The following SLCO2B1 variants were observed in gnomAD, a reference collection of about 807,000 sequenced individuals.
The protein encoded by SLCO2B1 is OATP-RP2.
Under a neutral mutation model 67.3 loss-of-function variants are expected in SLCO2B1, and 41 were observed. The observed-to-expected ratio is 0.61, with a 90% CI of 0.47 to 0.79. SLCO2B1 has a LOEUF of 0.79. Among genes scored for constraint, SLCO2B1 ranks in the 30% least tolerant of loss-of-function variants. The probability of loss-of-function intolerance (pLI) is 0.00; values close to 1 mark genes in which losing one functional copy is unlikely to be tolerated. For missense variants in SLCO2B1, 837 were observed against 920.1 expected (o/e 0.91, Z 1.17); for synonymous variants, 379 against 381.4 (o/e 0.99, Z 0.07).
chr11:75,196,109 G>C (rs1024003088), intron 9 of SLCO2B1: 3 of 170,598 alleles, frequency 1.8e-5, no homozygotes, highest in African/African-American at 7.2e-5. Context: ...CGGGTGGTCA[G>C]GTCTCCTGAT....
chr11:75,202,048 A>C (rs115300882), intron 11 of SLCO2B1: 135 of 152,350 alleles, frequency 8.9e-4, no homozygotes, highest in African/African-American at 3.1e-3. Context: ...GAACATTCCA[A>C]GAATTTTAGG....
At chr11:75,169,795 C>T in intron 6 of SLCO2B1, 31 bp downstream of exon 6, 6 of 1,551,522 alleles carry the variant, frequency 3.9e-6, no homozygotes, top group East Asian at 4.5e-5. Context: ...TTTGCTAGAC[C>T]CTAGCTAACT....
intron 7 of SLCO2B1, among the ~76,000 whole-genome samples, chr11:75,179,266 C>G (rs1044884887): frequency 4.6e-5 from 5 of 109,534 alleles, no homozygotes; most frequent in Non-Finnish European, 5.0e-5. Context: ...CTCTCTCTCT[C>G]TGTTGCCCAG....
chr11:75,178,590 C>G (rs1158337067), intron 7 of SLCO2B1, among the ~76,000 whole-genome samples: 7 of 152,090 alleles, frequency 4.6e-5, no homozygotes, highest in Non-Finnish European at 1.0e-4. Context: ...GTGGATAAAT[C>G]AAGCTGTTTA....
chr11:75,171,085 A>ATAACAAG (rs1406762206), intron 6 of SLCO2B1, among the ~76,000 whole-genome samples: 1 of 152,134 alleles, frequency 6.6e-6, no homozygotes, highest in Non-Finnish European at 1.5e-5. Context: ...GGCAGGGGAG[A>ATAACAAG]TAACAAGTAA....
At chr11:75,164,737 T>A (rs1949866481) in intron 3 of SLCO2B1, among the ~76,000 whole-genome samples, 1 of 152,162 alleles carries the variant, frequency 6.6e-6, no homozygotes, top group Non-Finnish European at 1.5e-5. Flanking sequence ...TTCTCCCCCC[T>A]TGGTAATGTG....
chr11:75,203,353 C>T lies in SLCO2B1; in HGVS notation c.1875C>T (p.Thr625=). 1 of 1,614,180 alleles carries T rather than the reference C, an allele frequency of 6.2e-7. No homozygotes were observed. The highest frequency in any genetic ancestry group is 8.5e-7 in the Non-Finnish European group (1 of 1,180,034). Residue 625 remains threonine, a synonymous_variant, in exon 13 of 14, where the codon ACC becomes ACT. Coordinates refer to ENST00000289575, the MANE Select transcript of SLCO2B1 (RefSeq NM_007256.5). ...PVIHGSAIDT[T]CVHWALSCGR... is the part of the protein sequence containing the mutation. ...TCCACGGCAGCGCCATCGACACCAC[C>T]TGTGTGCACTGGGCCCTGAGCTGTG...
At chr11:75,195,812 G>A (rs1450873468) in intron 9 of SLCO2B1, among the ~76,000 whole-genome samples, 2 of 152,190 alleles carry the variant, frequency 1.3e-5, no homozygotes, top group Non-Finnish European at 2.9e-5. Context: ...GTGAAGCCAG[G>A]TGACACTGTG....
intron 7 of SLCO2B1, among the ~76,000 whole-genome samples, chr11:75,179,918 C>G (rs990190638): frequency 5.3e-5 from 8 of 152,122 alleles, no homozygotes; most frequent in Non-Finnish European, 8.8e-5. Flanking sequence ...TCTTGAACTC[C>G]TGGCCTCAAG....
At chr11:75,158,843 T>C (rs4944994) in intron 1 of SLCO2B1, among the ~76,000 whole-genome samples, 45,193 of 152,086 alleles carry the variant, frequency 0.3, 7,430 homozygotes, top group Admixed American at 0.42. Context: ...TGTCCTTTGC[T>C]GCTGGGAGGC....
At position 75,196,504 on chromosome 11, in the gene SLCO2B1, C is replaced by T. The variant is rs767009839; in HGVS notation, c.1434-10C>T. On this transcript the variant is annotated splice_polypyrimidine_tract_variant and intron_variant, in intron 9 of 13. Transcript: ENST00000289575. Reference sequence around the variant, plus strand: ...GCCAGGCCAACCCTACTGGTCTTCTCTCCCACCAGTGCCCACCCTGGGCTG... The same window carrying T: ...GCCAGGCCAACCCTACTGGTCTTCTTTCCCACCAGTGCCCACCCTGGGCTG... The T allele has an allele frequency of 1.9e-6, 3 of 1,611,786 alleles. No homozygotes were observed. In the South Asian group the frequency reaches 3.3e-5, roughly 18 times the overall value.
intron 7 of SLCO2B1, among the ~76,000 whole-genome samples, chr11:75,184,595 T>C (rs1243482651): frequency 6.6e-6 from 1 of 152,168 alleles, no homozygotes; most frequent in Admixed American, 6.5e-5. Context: ...CCACTTGCCA[T>C]CCTGGCCCAT....
At chr11:75,188,690 C>A (rs760853636) in intron 8 of SLCO2B1, among the ~76,000 whole-genome samples, 42 of 152,210 alleles carry the variant, frequency 2.8e-4, no homozygotes, top group Non-Finnish European at 3.7e-4. Context: ...CACACCACTG[C>A]ACTCCAGCAG....
At chr11:75,154,964 G>A (rs1443013254) in intron 1 of SLCO2B1, among the ~76,000 whole-genome samples, 1 of 152,198 alleles carries the variant, frequency 6.6e-6, no homozygotes, top group African/African-American at 2.4e-5. Context: ...CTGGCTCCTT[G>A]TTTTAGGCAT....
chr11:75,176,534 G>A (rs1353928072), intron 7 of SLCO2B1, among the ~76,000 whole-genome samples: 2 of 152,228 alleles, frequency 1.3e-5, no homozygotes, highest in East Asian at 3.8e-4. Flanking sequence ...CTAAAAGTCT[G>A]TGCCTCGAAT....
At chr11:75,155,672 G>A (rs1290308690) in intron 1 of SLCO2B1, among the ~76,000 whole-genome samples, 1 of 152,178 alleles carries the variant, frequency 6.6e-6, no homozygotes, top group African/African-American at 2.4e-5. Flanking sequence ...TGGCCAGGCT[G>A]GTTTCGAGCT....
chr11:75,162,228 G>T (rs1467460033), intron 1 of SLCO2B1, among the ~76,000 whole-genome samples: 1 of 152,142 alleles, frequency 6.6e-6, no homozygotes, highest in Non-Finnish European at 1.5e-5. Flanking sequence ...GACTGAGCCA[G>T]ACAGTCCCAG....
At chr11:75,195,138 A>C (rs1945081546) in intron 9 of SLCO2B1, among the ~76,000 whole-genome samples, 1 of 152,100 alleles carries the variant, frequency 6.6e-6, no homozygotes, top group African/African-American at 2.4e-5. Flanking sequence ...AAGTCACCCC[A>C]CAGCTGGAAC....
At chr11:75,191,710 C>G (rs138872515) in intron 8 of SLCO2B1, among the ~76,000 whole-genome samples, 295 of 152,296 alleles carry the variant, frequency 1.9e-3, no homozygotes, top group Non-Finnish European at 3.4e-3. Context: ...CCTACCAGCC[C>G]AGCCGGGCAA....
Sources: allele counts gnomAD v4.1 joint callset (sites outside exome capture counted in the v4.1 genomes callset), GRCh38; gene constraint gnomAD v4.1.1; transcripts MANE v1.5; gene names NCBI Gene and HGNC (gene_info 2026-07-23, HGNC 2026-07-21).